Variants in UNC5C observed in about 807,000 individuals in gnomAD.
UNC5C encodes the protein netrin receptor UNC5C.
UNC5C carries 47 observed loss-of-function variants against 99.8 expected under a neutral mutation model. That is an observed-to-expected ratio of 0.47 (90% CI 0.37 to 0.60). The LOEUF is 0.60. Ranked by LOEUF, UNC5C falls within the 20% of genes least tolerant of loss-of-function variation. UNC5C has a pLI of 0.00. For synonymous variants in UNC5C, 487 were observed against 452.2 expected (o/e 1.08, Z -0.98); for missense variants, 1,062 against 1,165.9 (o/e 0.91, Z 1.30).
intron 1 of UNC5C, among the ~76,000 whole-genome samples, chr4:95,393,109 C>A (rs1483739): frequency 0.35 from 53,028 of 151,940 alleles, 10,823 homozygotes; most frequent in East Asian, 0.69. Flanking sequence ...ACTGGCTTAA[C>A]TTTATTATAC....
chr4:95,310,450 C>G (rs1237939831), intron 2 of UNC5C, among the ~76,000 whole-genome samples: 1 of 151,006 alleles, frequency 6.6e-6, no homozygotes, highest in African/African-American at 2.4e-5. Flanking sequence ...GTTCTCATTA[C>G]AAAAAAAATG....
At chr4:95,454,160 G>A (rs939105433) in intron 1 of UNC5C, among the ~76,000 whole-genome samples, 6 of 151,998 alleles carry the variant, frequency 3.9e-5, no homozygotes, top group Non-Finnish European at 5.9e-5. Context: ...TGTGTTACGC[G>A]AATTTCACCT....
intron 4 of UNC5C, among the ~76,000 whole-genome samples, chr4:95,272,546 A>T (rs1024696913): frequency 7.9e-5 from 12 of 152,192 alleles, no homozygotes; most frequent in African/African-American, 2.7e-4. Flanking sequence ...TTTTTCCCAT[A>T]CTTTTTCACC....
intron 1 of UNC5C, among the ~76,000 whole-genome samples, chr4:95,479,853 G>T (rs13121665): frequency 0.35 from 52,920 of 151,638 alleles, 10,331 homozygotes; most frequent in Non-Finnish European, 0.44. Flanking sequence ...GATTGACATG[G>T]GAATCAATGG....
chr4:95,202,594 G>A (rs1478195902), intron 12 of UNC5C, 137 bp downstream of exon 12: 4 of 772,602 alleles, frequency 5.2e-6, no homozygotes, highest in African/African-American at 3.5e-5. Context: ...TCTTTTTTAA[G>A]TGCATCCTTT....
intron 1 of UNC5C, among the ~76,000 whole-genome samples, chr4:95,433,873 T>G (rs1437732418): frequency 2.0e-5 from 3 of 151,304 alleles, no homozygotes; most frequent in African/African-American, 7.3e-5. Context: ...TTCAGCCTTC[T>G]CTCTTTTTCT....
intron 10 of UNC5C, among the ~76,000 whole-genome samples, chr4:95,215,848 A>T (rs1428567078): frequency 2.6e-5 from 4 of 152,184 alleles, no homozygotes; most frequent in African/African-American, 9.7e-5. Context: ...CAATCTAGGG[A>T]TCACATTTCT....
At chr4:95,268,363 G>A (rs1286431254) in intron 4 of UNC5C, among the ~76,000 whole-genome samples, 3 of 152,168 alleles carry the variant, frequency 2.0e-5, no homozygotes, top group African/African-American at 7.2e-5. Flanking sequence ...TACCAAAAGG[G>A]CAATGTAATG....
chr4:95,344,164 A>G (rs1743681613), intron 1 of UNC5C, among the ~76,000 whole-genome samples: 1 of 151,938 alleles, frequency 6.6e-6, no homozygotes, highest in African/African-American at 2.4e-5. Flanking sequence ...ACTCCCAAAG[A>G]CTCAAGGATA....
chr4:95,433,128 A>C (rs2149460886), intron 1 of UNC5C, among the ~76,000 whole-genome samples: 1 of 152,248 alleles, frequency 6.6e-6, no homozygotes, highest in East Asian at 1.9e-4. Context: ...CTGGGTGGAC[A>C]GTTGAGGATT....
At chr4:95,362,057 A>T (rs1371274046) in intron 1 of UNC5C, among the ~76,000 whole-genome samples, 2 of 152,144 alleles carry the variant, frequency 1.3e-5, no homozygotes, top group Non-Finnish European at 2.9e-5. Context: ...CACTGGACTC[A>T]GTGTCAGAAG....
At chr4:95,492,625 C>A (rs1721526374) in intron 1 of UNC5C, among the ~76,000 whole-genome samples, 1 of 151,130 alleles carries the variant, frequency 6.6e-6, no homozygotes, top group African/African-American at 2.4e-5. Flanking sequence ...TGTAATAATT[C>A]CACACAAAAA....
At chr4:95,412,726 T>C (rs763342996) in intron 1 of UNC5C, among the ~76,000 whole-genome samples, 1 of 152,206 alleles carries the variant, frequency 6.6e-6, no homozygotes, top group Non-Finnish European at 1.5e-5. Flanking sequence ...AATATGTAAA[T>C]ATTCTTGTGA....
Position 95,183,078 on chromosome 4 carries a change from T to C in UNC5C, c.2287-17A>G. On this transcript the variant is annotated splice_polypyrimidine_tract_variant and intron_variant, in intron 13 of 15. Coordinates refer to ENST00000453304, the MANE Select transcript of UNC5C (RefSeq NM_003728.4). ...TGGAATTTCCTAAAGGATATGAAAG[T>C]GTTAACCACAATTGAAGGACTAATA... The C allele has an allele frequency of 6.3e-7, 1 of 1,590,120 alleles. No individual in the cohort carries two copies. The highest frequency in any genetic ancestry group is 8.6e-7 in the Non-Finnish European group (1 of 1,161,398).
At chr4:95,451,079 T>C (rs903306155) in intron 1 of UNC5C, among the ~76,000 whole-genome samples, 2 of 152,236 alleles carry the variant, frequency 1.3e-5, no homozygotes, top group Admixed American at 1.3e-4. Flanking sequence ...GAAAAATCTA[T>C]GACTTACGTA....
In UNC5C at chr4:95,301,851, A is replaced by G. The variant is rs1579308510; in HGVS notation, c.347-102T>C. ...TCCCCCAGTCATCCCTTTTGATGCC[A>G]TAGATCAACAACCCAGATATTGTCT... On this transcript the variant is annotated intron_variant, in intron 2 of 15. Coordinates refer to ENST00000453304, the MANE Select transcript of UNC5C (RefSeq NM_003728.4). 8.6e-6 allele frequency: 12 copies of G among 1,391,942 alleles called. 1 individual carries two copies. The highest frequency in any genetic ancestry group is 6.8e-5 in the South Asian group (5 of 73,610). The allele number at this position is 1,391,942 out of a possible 1,614,324, so 86.2% of individuals were successfully genotyped here.
At chr4:95,289,030 G>A (rs1741347721) in intron 3 of UNC5C, among the ~76,000 whole-genome samples, 2 of 152,126 alleles carry the variant, frequency 1.3e-5, no homozygotes, top group South Asian at 2.1e-4. Context: ...TCCTAGTTCT[G>A]TACTTACTGA....
At chr4:95,419,351 A>G (rs564109839) in intron 1 of UNC5C, among the ~76,000 whole-genome samples, 1 of 152,288 alleles carries the variant, frequency 6.6e-6, no homozygotes, top group East Asian at 1.9e-4. Flanking sequence ...CTGTCATAAA[A>G]CCTAGCATTT....
At chr4:95,410,201 G>T (rs1435848542) in intron 1 of UNC5C, among the ~76,000 whole-genome samples, 1 of 152,050 alleles carries the variant, frequency 6.6e-6, no homozygotes, top group Non-Finnish European at 1.5e-5. Flanking sequence ...GAGAAGTTAG[G>T]CACTGTTGTC....
Sources: allele counts gnomAD v4.1 joint callset (sites outside exome capture counted in the v4.1 genomes callset), GRCh38; gene constraint gnomAD v4.1.1; transcripts MANE v1.5; gene names NCBI Gene and HGNC (gene_info 2026-07-23, HGNC 2026-07-21).